DMD: variants seen among roughly 807,000 people sequenced by gnomAD.
DMD encodes dystrophin, also known as mutant dystrophin.
A neutral mutation model predicts 330.1 loss-of-function variants in DMD; 63 were observed. The ratio of observed to expected loss-of-function variants is 0.19; its 90% CI spans 0.16 to 0.24. The LOEUF (loss-of-function observed/expected upper bound fraction) is 0.24, where lower values mean the gene tolerates loss of function less well. Among genes scored for constraint, DMD ranks in the 10% least tolerant of loss-of-function variants. The pLI is 1.00. For synonymous variants in DMD, 1,223 were observed against 959.8 expected (o/e 1.27, Z -5.07); for missense variants, 3,344 against 2,684.1 (o/e 1.25, Z -5.43).
Position 31,580,736 on chromosome X carries a change from T to C in DMD, c.8217+46937A>G, listed in dbSNP as rs185958091. ...ACCACAAGAAATAATCAGAAAGACA[T>C]AGTCTCAGCCTAAATGGTAGGCTGT... On this transcript the variant is annotated intron_variant, in intron 55 of 78. Coordinates refer to ENST00000357033, the MANE Select transcript of DMD (RefSeq NM_004006.3). Among the ~76,000 whole-genome samples, 18 of 112,143 alleles carry C rather than the reference T, an allele frequency of 1.6e-4. No individual in the cohort carries two copies. In the East Asian group the frequency reaches 4.2e-3, roughly 26 times the overall value.
chrX:31,559,640 C>CAAAAAAAAAAAAAAAAAAAAAAAAAAAA (rs1167550498), intron 55 of DMD, among the ~76,000 whole-genome samples: 2 of 21,638 alleles, frequency 9.2e-5, no homozygotes, highest in African/African-American at 2.7e-4. Context: ...AACTCCGTCT[C>CAAAAAAAAAAAAAAAAAAAAAAAAAAAA]AAAAAAAAAA....
At chrX:32,581,346 A>G (rs1414105017) in intron 13 of DMD, among the ~76,000 whole-genome samples, 1 of 111,599 alleles carries the variant, frequency 9.0e-6, no homozygotes, top group Admixed American at 9.5e-5. Context: ...GGGCAACTTG[A>G]CTCCTGCTCT....
intron 67 of DMD, among the ~76,000 whole-genome samples, chrX:31,183,683 T>C: frequency 9.0e-6 from 1 of 111,240 alleles, no homozygotes; most frequent in East Asian, 2.8e-4. Context: ...AGGATTGTTT[T>C]AATTTTTTAT....
intron 2 of DMD, among the ~76,000 whole-genome samples, chrX:32,854,408 A>T (rs2081373648): frequency 9.0e-6 from 1 of 111,313 alleles, no homozygotes; most frequent in Non-Finnish European, 1.9e-5. Context: ...ACAAAACACA[A>T]GGGAATTAAT....
chrX:32,056,439 G>T (rs1450286159), intron 44 of DMD, among the ~76,000 whole-genome samples: 6 of 97,167 alleles, frequency 6.2e-5, no homozygotes, highest in African/African-American at 2.2e-4. Flanking sequence ...AATCAGAAAT[G>T]AAAGAGGAGA....
intron 1 of DMD, among the ~76,000 whole-genome samples, chrX:33,226,605 G>T (rs1569558884): frequency 1.8e-5 from 2 of 111,168 alleles, no homozygotes; most frequent in Non-Finnish European, 3.8e-5. Context: ...ACCATGAAAG[G>T]GCAACATGAG....
At chrX:32,436,017 G>A (rs1169027247) in intron 29 of DMD, among the ~76,000 whole-genome samples, 1 of 111,959 alleles carries the variant, frequency 8.9e-6, no homozygotes, top group Non-Finnish European at 1.9e-5. Context: ...ACTTCCCTGT[G>A]AATTTTGTCA....
intron 7 of DMD, among the ~76,000 whole-genome samples, chrX:32,809,070 T>G (rs1220307728): frequency 8.9e-6 from 1 of 112,314 alleles, no homozygotes; most frequent in African/African-American, 3.2e-5. Context: ...ATTTCCTGAT[T>G]TAAATAGTAA....
intron 9 of DMD, among the ~76,000 whole-genome samples, chrX:32,680,626 AAG>A (rs1411840198): frequency 8.9e-6 from 1 of 112,465 alleles, no homozygotes; most frequent in Non-Finnish European, 1.9e-5. Flanking sequence ...TATTTGTTAA[AAG>A]ACTCATATAT....
chrX:33,307,250 C>G (rs1254998814), intron 1 of DMD, among the ~76,000 whole-genome samples: 1 of 111,747 alleles, frequency 8.9e-6, no homozygotes, highest in Non-Finnish European at 1.9e-5. Context: ...CTGGCTGGCC[C>G]TATTTCTACC....
At chrX:33,088,297 C>T (rs1203856508) in intron 1 of DMD, among the ~76,000 whole-genome samples, 1 of 111,460 alleles carries the variant, frequency 9.0e-6, no homozygotes, top group Non-Finnish European at 1.9e-5. Context: ...CATCCGCCTC[C>T]GCCTCCCAAA....
intron 55 of DMD, among the ~76,000 whole-genome samples, chrX:31,624,363 A>C (rs767365359): frequency 8.9e-6 from 1 of 112,225 alleles, no homozygotes; most frequent in African/African-American, 3.2e-5. Flanking sequence ...AATGTCTTTC[A>C]GAGAAGAATT....
At chrX:31,145,662 ATTTT>A (rs749721258) in intron 76 of DMD, among the ~76,000 whole-genome samples, 2 of 86,311 alleles carry the variant, frequency 2.3e-5, no homozygotes, top group African/African-American at 4.6e-5. Flanking sequence ...TGGGAACTCT[ATTTT>A]TTTTTTTTTT....
At chrX:32,847,847 T>C (rs1055727183) in intron 3 of DMD, among the ~76,000 whole-genome samples, 4 of 112,466 alleles carry the variant, frequency 3.6e-5, no homozygotes, top group African/African-American at 1.3e-4. Context: ...TGTATGTATA[T>C]GCATAAATGC....
intron 11 of DMD, among the ~76,000 whole-genome samples, chrX:32,620,909 T>C (rs1297745520): frequency 1.8e-5 from 2 of 111,925 alleles, no homozygotes; most frequent in African/African-American, 6.5e-5. Context: ...ACACACAGCC[T>C]AAGAGTTGAG....
intron 56 of DMD, among the ~76,000 whole-genome samples, chrX:31,500,230 T>C (rs1031800867): frequency 8.9e-6 from 1 of 112,280 alleles, no homozygotes; most frequent in African/African-American, 3.2e-5. Context: ...CTATAGTGTG[T>C]ATAAGAAACA....
intron 44 of DMD, among the ~76,000 whole-genome samples, chrX:32,066,138 G>A (rs1280883077): frequency 2.7e-5 from 3 of 111,460 alleles, no homozygotes; most frequent in African/African-American, 6.5e-5. Context: ...TTTGTTCCAT[G>A]TATTAATATT....
chrX:31,175,605 T>A (rs1475362531), intron 71 of DMD, among the ~76,000 whole-genome samples: 2 of 110,762 alleles, frequency 1.8e-5, no homozygotes, highest in Non-Finnish European at 3.8e-5. Context: ...ACAAAGCCAC[T>A]TAGTCCACAA....
At chrX:32,495,699 G>C (rs2043427026) in intron 19 of DMD, among the ~76,000 whole-genome samples, 1 of 111,634 alleles carries the variant, frequency 9.0e-6, no homozygotes, top group Non-Finnish European at 1.9e-5. Context: ...ATTTGCATAT[G>C]GATTTTATTA....
Sources: gnomAD v4.1 joint callset for allele counts (sites outside exome capture counted in the v4.1 genomes callset) on GRCh38, gnomAD v4.1.1 for gene constraint, MANE v1.5 for transcripts, NCBI Gene and HGNC (gene_info 2026-07-23, HGNC 2026-07-21) for gene names.